Variants in PCDHA8 observed in about 807,000 individuals in gnomAD.
PCDHA8 encodes the protein protocadherin alpha 8.
A neutral mutation model predicts 61.8 loss-of-function variants in PCDHA8; 53 were observed. That is an observed-to-expected ratio of 0.86 (90% CI 0.69 to 1.08). The LOEUF (loss-of-function observed/expected upper bound fraction) is 1.08, where lower values mean the gene tolerates loss of function less well. PCDHA8 is among the 50% of genes least tolerant of loss of function. The pLI is 0.00. For synonymous variants in PCDHA8, 618 were observed against 556.6 expected, an observed-to-expected ratio of 1.11 and a Z score of -1.55; for missense variants, 1,293 against 1,245.0, an observed-to-expected ratio of 1.04 and a Z score of -0.58.
At chr5:140,989,530 AG>A (rs1249109717) in intron 3 of PCDHA8, among the ~76,000 whole-genome samples, 1 of 152,200 alleles carries the variant, frequency 6.6e-6, no homozygotes, top group Non-Finnish European at 1.5e-5. Context: ...CAGAGGAGGA[AG>A]ATAGTTTGTA....
chr5:140,901,695 T>G (rs1554189992), intron 1 of PCDHA8, among the ~76,000 whole-genome samples: 1 of 152,216 alleles, frequency 6.6e-6, no homozygotes, highest in Non-Finnish European at 1.5e-5. Context: ...TATTTTGTAG[T>G]TCTATATACA....
intron 1 of PCDHA8, chr5:140,853,810 G>A (rs1402594450): frequency 7.1e-6 from 7 of 986,530 alleles, no homozygotes; most frequent in Non-Finnish European, 8.5e-6. Context: ...AAGCACACCT[G>A]AGATGATTCT....
At chr5:140,910,679 A>G (rs1554194364) in intron 1 of PCDHA8, among the ~76,000 whole-genome samples, 1 of 152,208 alleles carries the variant, frequency 6.6e-6, no homozygotes, top group East Asian at 1.9e-4. Context: ...AAGGGAGATC[A>G]GGCATTTCCA....
At chr5:140,927,720 G>C (rs782475238) in intron 1 of PCDHA8, 8 of 1,614,056 alleles carry the variant, frequency 5.0e-6, no homozygotes, top group Non-Finnish European at 6.8e-6. Flanking sequence ...GCAACAGCAC[G>C]CAAGCAGAGC....
intron 3 of PCDHA8, among the ~76,000 whole-genome samples, chr5:140,989,624 G>C (rs527255277): frequency 6.6e-6 from 1 of 152,208 alleles, no homozygotes; most frequent in Non-Finnish European, 1.5e-5. Context: ...GTCTGTCCTA[G>C]TGACAGCAAG....
At chr5:140,876,061 C>T (rs782151232) in intron 1 of PCDHA8, 17 of 1,613,778 alleles carry the variant, frequency 1.1e-5, no homozygotes, top group African/African-American at 1.3e-5. Context: ...ATTAGTTCTT[C>T]GGAAGTTATT....
At chr5:141,001,253 C>T (rs896546841) in intron 3 of PCDHA8, among the ~76,000 whole-genome samples, 22 of 152,078 alleles carry the variant, frequency 1.4e-4, no homozygotes, top group African/African-American at 5.1e-4. Flanking sequence ...CCCTATGGGG[C>T]GGGCACTCTT....
At chr5:140,884,941 C>T (rs1326188943) in intron 1 of PCDHA8, among the ~76,000 whole-genome samples, 1 of 152,116 alleles carries the variant, frequency 6.6e-6, no homozygotes, top group Admixed American at 6.5e-5. Context: ...TGCAATTGAG[C>T]ATTTACAAAA....
chr5:140,943,696 A>G (rs2093549628), intron 1 of PCDHA8, among the ~76,000 whole-genome samples: 1 of 152,256 alleles, frequency 6.6e-6, no homozygotes, highest in South Asian at 2.1e-4. Context: ...AGGTCAAAAT[A>G]TTGTGGAACA....
chr5:140,882,209 A>T, intron 1 of PCDHA8: 1 of 1,531,724 alleles, frequency 6.5e-7, no homozygotes, highest in Non-Finnish European at 8.8e-7. Context: ...GCCTTGAGAG[A>T]CAGTTTGAGG....
chr5:140,883,508 G>C (rs939760233), intron 1 of PCDHA8: 19 of 1,614,202 alleles, frequency 1.2e-5, no homozygotes, highest in Non-Finnish European at 1.5e-5. Flanking sequence ...CAGCGCCCTG[G>C]ACCGCGAGAG....
rs781815387 is a variant in PCDHA8, at chr5:140,978,983, C to A, written c.2429C>A (p.Ala810Asp). The part of the protein sequence containing the change: ...RQPNPDWRYS[A>D]SLRAGMHSSV... Reference sequence around the variant, plus strand: ...CCCAACCCTGACTGGCGTTACTCTGCCTCCCTGAGAGCAGGCATGCACAGG... The same window carrying A: ...CCCAACCCTGACTGGCGTTACTCTGACTCCCTGAGAGCAGGCATGCACAGG... Residue 810 changes from alanine (A) to aspartate (D), a missense_variant, in exon 2 of 4, where the codon GCC (alanine) becomes GAC (aspartate). By Grantham distance (126) the Ala-to-Asp change is moderately radical. Transcript: ENST00000531613. 1.6e-5 allele frequency: 26 copies of A among 1,614,142 alleles called. No homozygotes were observed. Among genetic ancestry groups the A allele is most frequent in the Non-Finnish European group, 2.2e-5 (26 of 1,180,024 alleles).
At chr5:140,895,636 T>C (rs1554186575) in intron 1 of PCDHA8, among the ~76,000 whole-genome samples, 1 of 152,178 alleles carries the variant, frequency 6.6e-6, no homozygotes, top group Non-Finnish European at 1.5e-5. Context: ...TTTCACATTC[T>C]TTTTTAGCTC....
chr5:140,927,176 TGACCTAC>T (rs1285493810), intron 1 of PCDHA8: 5 of 1,614,156 alleles, frequency 3.1e-6, no homozygotes, highest in Non-Finnish European at 4.2e-6. Flanking sequence ...GCCTGCGTCT[TGACCTAC>T]GACCTGGTGC....
In PCDHA8 at chr5:140,849,941, T is replaced by G. The variant is rs2150458780; in HGVS notation, c.2394+6226T>G. The G allele has an allele frequency of 0.63, 1,006,911 of 1,597,380 alleles. 351,403 individuals carry two copies. Among genetic ancestry groups the G allele is most frequent in the African/African-American group, 0.85 (63,094 of 74,394 alleles). Reference sequence around the variant, plus strand: ...TCTTCACGGTGTCTGCGCGGGACGCTGACGCGCAGGAGAACGCCCTGGTGT... The same window carrying G: ...TCTTCACGGTGTCTGCGCGGGACGCGGACGCGCAGGAGAACGCCCTGGTGT... On this transcript the variant is annotated intron_variant, in intron 1 of 3. Coordinates refer to ENST00000531613, the MANE Select transcript of PCDHA8 (RefSeq NM_018911.3).
intron 1 of PCDHA8, chr5:140,883,347 G>A (rs782384832): frequency 3.7e-6 from 6 of 1,614,046 alleles, no homozygotes; most frequent in African/African-American, 1.3e-5. Flanking sequence ...CTCCCCATCA[G>A]AGAAGACACT....
intron 1 of PCDHA8, chr5:140,864,371 G>A (rs1005201982): frequency 6.6e-5 from 10 of 152,044 alleles, no homozygotes; most frequent in South Asian, 6.2e-4. Context: ...TTCTATAATC[G>A]ATAAGTTTAT....
At position 141,009,807 on chromosome 5, in the gene PCDHA8, T is replaced by C. The variant is rs1554262456; in HGVS notation, c.2723T>C (p.Ile908Thr). ...CGGCAGGAGCCTACTAACAGCCAAA[T>C]TGACAAAAGTGACTTCATAACCTTC... is the stretch of plus-strand genomic sequence containing the variant. ...SIRQEPTNSQIDKSDFITFGK... is the reference protein window; with the variant it reads ...SIRQEPTNSQTDKSDFITFGK... Residue 908 changes from isoleucine to threonine, a missense_variant, in exon 4 of 4, where the codon ATT (isoleucine) becomes ACT (threonine). Ile to Thr is a moderately conservative substitution (Grantham distance 89). Transcript: ENST00000531613. 9.9e-6 allele frequency: 16 copies of C among 1,613,824 alleles called. No homozygotes were observed. Among genetic ancestry groups the C allele is most frequent in the South Asian group, 1.1e-5 (1 of 91,066 alleles).
intron 1 of PCDHA8, chr5:140,928,245 A>G: frequency 2.5e-6 from 4 of 1,614,192 alleles, no homozygotes; most frequent in Non-Finnish European, 8.5e-7. Context: ...CCCAGCAGGA[A>G]CTTTTCGTTG....
Sources: allele counts gnomAD v4.1 joint callset (sites outside exome capture counted in the v4.1 genomes callset), GRCh38; gene constraint gnomAD v4.1.1; transcripts MANE v1.5; gene names NCBI Gene and HGNC (gene_info 2026-07-23, HGNC 2026-07-21).